CDH12: variants seen among roughly 807,000 people sequenced by gnomAD.
CDH12 encodes the protein cadherin-12.
Under a neutral mutation model 74.1 loss-of-function variants are expected in CDH12, and 41 were observed. The ratio of observed to expected loss-of-function variants is 0.55; its 90% CI spans 0.43 to 0.72. The LOEUF (loss-of-function observed/expected upper bound fraction) is 0.72. Ranked by LOEUF, CDH12 falls within the 30% of genes least tolerant of loss-of-function variation. The pLI is 0.00. For missense variants in CDH12, 945 were observed against 977.2 expected (o/e 0.97, Z 0.44); for synonymous variants, 399 against 355.0 (o/e 1.12, Z -1.39).
intron 1 of CDH12, among the ~76,000 whole-genome samples, chr5:22,756,869 G>T (rs953660016): frequency 6.6e-6 from 1 of 151,558 alleles, no homozygotes; most frequent in Non-Finnish European, 1.5e-5. Flanking sequence ...CTGAGACAGA[G>T]AATTGCTTGA....
chr5:22,409,194 G>C (rs759467085), intron 2 of CDH12, among the ~76,000 whole-genome samples: 1 of 151,894 alleles, frequency 6.6e-6, no homozygotes, highest in Non-Finnish European at 1.5e-5. Context: ...GATATTAAAG[G>C]CTTCCAAAAG....
At chr5:22,140,402 AAAC>A (rs1285526522) in intron 4 of CDH12, among the ~76,000 whole-genome samples, 1 of 152,058 alleles carries the variant, frequency 6.6e-6, no homozygotes, top group Non-Finnish European at 1.5e-5. Context: ...CAATAATTTC[AAAC>A]AACAGAGAAA....
chr5:21,868,556 T>C (rs1053844234), intron 6 of CDH12, among the ~76,000 whole-genome samples: 6 of 152,212 alleles, frequency 3.9e-5, no homozygotes, highest in African/African-American at 1.4e-4. Context: ...CAGACATTAT[T>C]CTCTACCTAT....
chr5:22,187,413 C>G (rs1038962621), intron 4 of CDH12, among the ~76,000 whole-genome samples: 1 of 152,188 alleles, frequency 6.6e-6, no homozygotes, highest in Non-Finnish European at 1.5e-5. Flanking sequence ...GAGTTCCCAG[C>G]AACTGAAAGT....
At chr5:22,006,041 T>G (rs1736936441) in intron 5 of CDH12, among the ~76,000 whole-genome samples, 1 of 152,178 alleles carries the variant, frequency 6.6e-6, no homozygotes, top group Admixed American at 6.5e-5. Flanking sequence ...GAAACATATT[T>G]CTTTGGCTTC....
intron 10 of CDH12, among the ~76,000 whole-genome samples, chr5:21,789,167 A>G (rs1212181008): frequency 6.6e-6 from 1 of 152,182 alleles, no homozygotes; most frequent in African/African-American, 2.4e-5. Context: ...AATTGTATGT[A>G]TTATATATGT....
chr5:21,764,064 C>G (rs1028738299), intron 12 of CDH12, among the ~76,000 whole-genome samples: 1 of 152,100 alleles, frequency 6.6e-6, no homozygotes, highest in Non-Finnish European at 1.5e-5. Flanking sequence ...GGTTTACAGT[C>G]ACAGGTTCTT....
chr5:22,624,661 T>C (rs941210409), intron 1 of CDH12, among the ~76,000 whole-genome samples: 4 of 152,026 alleles, frequency 2.6e-5, no homozygotes, highest in South Asian at 4.1e-4. Context: ...CAGGAAACAA[T>C]AGGTGCTGGA....
intron 4 of CDH12, among the ~76,000 whole-genome samples, chr5:22,181,242 C>T (rs543642037): frequency 1.3e-5 from 2 of 152,230 alleles, no homozygotes; most frequent in African/African-American, 4.8e-5. Flanking sequence ...TCCATGTGAA[C>T]AAATCTAATA....
intron 3 of CDH12, 64 bp downstream of exon 3, chr5:22,405,193 G>A (rs933475901): frequency 2.7e-6 from 1 of 366,052 alleles, no homozygotes; most frequent in Non-Finnish European, 3.8e-6. Context: ...CTGGGTGAAA[G>A]AGTGAAACTG....
chr5:22,504,804 T>A (rs976958392), intron 2 of CDH12, among the ~76,000 whole-genome samples: 1 of 152,090 alleles, frequency 6.6e-6, no homozygotes, highest in South Asian at 2.1e-4. Context: ...ACTTTATCTC[T>A]GTTTCCTATG....
chr5:21,843,360 A>G (rs1191830627), intron 7 of CDH12, among the ~76,000 whole-genome samples: 4 of 152,120 alleles, frequency 2.6e-5, no homozygotes, highest in Admixed American at 2.6e-4. Context: ...CCCAACATAC[A>G]TCCTTGTTTT....
chr5:22,779,821 T>C lies in CDH12; in HGVS notation c.-523+73237A>G, dbSNP rs1747297119. Among the ~76,000 whole-genome samples, 5 of 152,190 alleles carry C rather than the reference T, an allele frequency of 3.3e-5. 1 individual carries two copies. In the South Asian group the frequency reaches 1.0e-3, roughly 31 times the overall value. ...GCAAGTCAGTTAAACCTTTTTTCTT[T>C]ATGAAGTACCCAGTTTCAGGCAGTT... On this transcript the variant is annotated intron_variant, in intron 1 of 14. Coordinates refer to ENST00000382254, the MANE Select transcript of CDH12 (RefSeq NM_004061.5).
chr5:22,354,053 T>G (rs1740463001), intron 3 of CDH12, among the ~76,000 whole-genome samples: 1 of 152,168 alleles, frequency 6.6e-6, no homozygotes, highest in Admixed American at 6.5e-5. Context: ...CATCCAAGTC[T>G]CAGAAAGCAC....
At chr5:22,280,775 G>A (rs1454599645) in intron 3 of CDH12, among the ~76,000 whole-genome samples, 1 of 152,168 alleles carries the variant, frequency 6.6e-6, no homozygotes, top group African/African-American at 2.4e-5. Context: ...TGGATTCACA[G>A]CTGAATTCTA....
At chr5:22,518,844 A>C (rs1052526791) in intron 1 of CDH12, among the ~76,000 whole-genome samples, 4 of 152,142 alleles carry the variant, frequency 2.6e-5, no homozygotes, top group Non-Finnish European at 5.9e-5. Flanking sequence ...CATTGATTGG[A>C]AACAAGAGAG....
At chr5:22,060,534 T>C (rs1029974793) in intron 5 of CDH12, among the ~76,000 whole-genome samples, 20 of 152,074 alleles carry the variant, frequency 1.3e-4, no homozygotes, top group African/African-American at 4.8e-4. Context: ...AGGAACTGTA[T>C]TGACTAAGCA....
At chr5:22,219,663 T>G (rs1346894858) in intron 3 of CDH12, among the ~76,000 whole-genome samples, 1 of 151,696 alleles carries the variant, frequency 6.6e-6, no homozygotes, top group Non-Finnish European at 1.5e-5. Context: ...TAGATTTCAG[T>G]TTTTGTAGTA....
At chr5:22,092,573 T>G (rs2150239637) in intron 4 of CDH12, among the ~76,000 whole-genome samples, 1 of 152,218 alleles carries the variant, frequency 6.6e-6, no homozygotes, top group African/African-American at 2.4e-5. Flanking sequence ...AAGATGGCTA[T>G]AATAGAAAAA....
Sources: gnomAD v4.1 joint callset for allele counts (sites outside exome capture counted in the v4.1 genomes callset) on GRCh38, gnomAD v4.1.1 for gene constraint, MANE v1.5 for transcripts, NCBI Gene and HGNC (gene_info 2026-07-23, HGNC 2026-07-21) for gene names.